MACROD2: variants seen among roughly 807,000 people sequenced by gnomAD.
The protein encoded by MACROD2 is mono-ADP ribosylhydrolase 2, also known as ADP-ribose glycohydrolase MACROD2.
Under a neutral mutation model 70.4 loss-of-function variants are expected in MACROD2, and 36 were observed. The observed-to-expected ratio is 0.51, with a 90% CI of 0.39 to 0.68. The LOEUF (loss-of-function observed/expected upper bound fraction) is 0.68, where lower values mean the gene tolerates loss of function less well. Among genes scored for constraint, MACROD2 ranks in the 30% least tolerant of loss-of-function variants. The pLI, the probability that MACROD2 is intolerant of heterozygous loss-of-function variation, is 0.00. For synonymous variants in MACROD2, 172 were observed against 178.8 expected (o/e 0.96, Z 0.30); for missense variants, 496 against 538.4 (o/e 0.92, Z 0.78).
chr20:14,870,998 T>C (rs188538127), intron 5 of MACROD2, among the ~76,000 whole-genome samples: 2 of 152,266 alleles, frequency 1.3e-5, no homozygotes, highest in East Asian at 3.9e-4. Flanking sequence ...TTGCTTTTAG[T>C]GTCTTCATCA....
At chr20:14,085,504 G>GT (rs1044613642) in intron 2 of MACROD2, 117 bp from the exon 3 acceptor site, 3 of 489,128 alleles carry the variant, frequency 6.1e-6, no homozygotes, top group African/African-American at 6.0e-5. Flanking sequence ...ATTTCCACTT[G>GT]TTTTTTGTAG....
chr20:15,903,278 G>A (rs1453109639), intron 10 of MACROD2, among the ~76,000 whole-genome samples: 1 of 152,196 alleles, frequency 6.6e-6, no homozygotes, highest in Non-Finnish European at 1.5e-5. Context: ...GGAGACGGAG[G>A]TTGCAGTGAG....
At chr20:15,087,932 A>G (rs1271458462) in intron 5 of MACROD2, among the ~76,000 whole-genome samples, 2 of 152,014 alleles carry the variant, frequency 1.3e-5, no homozygotes, top group African/African-American at 4.8e-5. Context: ...CTTTCTAGTA[A>G]AGCAAATTCA....
intron 6 of MACROD2, among the ~76,000 whole-genome samples, chr20:15,326,784 G>A (rs1040381248): frequency 6.6e-6 from 1 of 152,126 alleles, no homozygotes; most frequent in Non-Finnish European, 1.5e-5. Context: ...CAGGTGGCTA[G>A]AGAAGGAAGA....
At chr20:15,172,569 T>C (rs1463285957) in intron 5 of MACROD2, among the ~76,000 whole-genome samples, 1 of 152,166 alleles carries the variant, frequency 6.6e-6, no homozygotes, top group Non-Finnish European at 1.5e-5. Flanking sequence ...TGTTTTTTTT[T>C]CTTTTGTTTT....
intron 16 of MACROD2, among the ~76,000 whole-genome samples, chr20:16,041,645 C>G (rs777831979): frequency 6.6e-6 from 1 of 151,970 alleles, no homozygotes; most frequent in Non-Finnish European, 1.5e-5. Flanking sequence ...CCCTGCTCCA[C>G]TCAGCATTCG....
intron 4 of MACROD2, among the ~76,000 whole-genome samples, chr20:14,581,657 C>T (rs1203965468): frequency 6.6e-6 from 1 of 152,162 alleles, no homozygotes; most frequent in African/African-American, 2.4e-5. Flanking sequence ...CTTTGATGGA[C>T]AGAGTGCATT....
chr20:14,733,573 A>G (rs970695136), intron 5 of MACROD2, among the ~76,000 whole-genome samples: 1 of 152,208 alleles, frequency 6.6e-6, no homozygotes, highest in East Asian at 1.9e-4. Flanking sequence ...CATAGCATAG[A>G]GTGTAGAAAA....
chr20:14,375,030 A>G (rs1400618188), intron 3 of MACROD2, among the ~76,000 whole-genome samples: 2 of 152,182 alleles, frequency 1.3e-5, no homozygotes, highest in Admixed American at 6.5e-5. Context: ...ACTCTTTATA[A>G]AGATCATGGG....
intron 3 of MACROD2, among the ~76,000 whole-genome samples, chr20:14,121,181 A>G (rs2054584513): frequency 6.6e-6 from 1 of 152,174 alleles, no homozygotes; most frequent in Non-Finnish European, 1.5e-5. Context: ...AGGGGTGCAT[A>G]GTCATTGTGT....
intron 3 of MACROD2, among the ~76,000 whole-genome samples, chr20:14,390,300 T>TA: frequency 6.6e-6 from 1 of 152,020 alleles, no homozygotes; most frequent in East Asian, 1.9e-4. Context: ...AGAATCAATA[T>TA]AAAAAAGACC....
chr20:14,464,555 G>GAA (rs1568624233), intron 3 of MACROD2, among the ~76,000 whole-genome samples: 3 of 152,036 alleles, frequency 2.0e-5, no homozygotes, highest in Admixed American at 6.6e-5. Context: ...TCCGATCTTA[G>GAA]TTATTTCTTG....
chr20:15,430,892 T>C lies in MACROD2; in HGVS notation c.541-513T>C, dbSNP rs567101413. Among the ~76,000 whole-genome samples, 53 of 152,134 alleles carry C rather than the reference T, an allele frequency of 3.5e-4. 1 individual carries two copies. The South Asian group carries it at 0.011, about 32-fold the overall frequency. On this transcript the variant is annotated intron_variant, in intron 6 of 17. Transcript: ENST00000684519. ...AATAGCCAGTCTGTGGTTTTAACTG[T>C]CCCACAATATGGGTCATGAATGTTA...
At chr20:15,657,493 T>C (rs113432989) in intron 8 of MACROD2, among the ~76,000 whole-genome samples, 7 of 152,222 alleles carry the variant, frequency 4.6e-5, no homozygotes, top group African/African-American at 1.7e-4. Context: ...GGACATCCTT[T>C]ACCAAAGATA....
At chr20:15,070,925 C>A (rs73897246) in intron 5 of MACROD2, among the ~76,000 whole-genome samples, 13,345 of 109,584 alleles carry the variant, frequency 0.12, 663 homozygotes, top group Middle Eastern at 0.2. Flanking sequence ...AAAAAAAAAA[C>A]CCAAAAAAGT....
intron 6 of MACROD2, among the ~76,000 whole-genome samples, chr20:15,407,363 A>C (rs1354952864): frequency 6.6e-6 from 1 of 152,170 alleles, no homozygotes; most frequent in Non-Finnish European, 1.5e-5. Context: ...AGGATGGAGC[A>C]CCAGCAGCCA....
chr20:15,598,809 C>T (rs2048779077), intron 8 of MACROD2, among the ~76,000 whole-genome samples: 1 of 152,120 alleles, frequency 6.6e-6, no homozygotes, highest in Admixed American at 6.5e-5. Context: ...ACAGGACACT[C>T]TGTATTTAAG....
Position 15,431,421 on chromosome 20 carries a change from C to G in MACROD2, c.557C>G (p.Ser186Ter). The G allele has an allele frequency of 6.2e-7, 1 of 1,611,240 alleles. No homozygotes were observed. Among genetic ancestry groups the G allele is most frequent in the Non-Finnish European group, 8.5e-7 (1 of 1,178,052 alleles). ...TATTCACAGGCATTTCCCTGCATCT[C>G]AACAGGCATTTATGGTAAGTGATAC... ...NIRSVAFPCI[S>*]TGIYGFPNEP... Residue 186 changes from serine to a stop codon, truncating the protein, a stop_gained, in exon 7 of 18, where the codon TCA becomes TGA. Coordinates refer to ENST00000684519, the MANE Select transcript of MACROD2 (RefSeq NM_001351661.2). LOFTEE classifies it high-confidence loss of function.
chr20:14,887,607 CA>C (rs2073696124), intron 5 of MACROD2, among the ~76,000 whole-genome samples: 1 of 151,906 alleles, frequency 6.6e-6, no homozygotes, highest in South Asian at 2.1e-4. Context: ...AGGCTGGTCT[CA>C]AACTCCTGTG....
Sources: gnomAD v4.1 joint callset for allele counts (sites outside exome capture counted in the v4.1 genomes callset) on GRCh38, gnomAD v4.1.1 for gene constraint, MANE v1.5 for transcripts, NCBI Gene and HGNC (gene_info 2026-07-23, HGNC 2026-07-21) for gene names.